PDE9A: variants seen among roughly 807,000 people sequenced by gnomAD.
PDE9A encodes the protein phosphodiesterase 9A, also known as high affinity cGMP-specific 3',5'-cyclic phosphodiesterase 9A.
Under a neutral mutation model 87.4 loss-of-function variants are expected in PDE9A, and 60 were observed. That is an observed-to-expected ratio of 0.69 (90% CI 0.56 to 0.85). The LOEUF (loss-of-function observed/expected upper bound fraction) is 0.85, where lower values mean the gene tolerates loss of function less well. PDE9A is among the 40% of genes least tolerant of loss of function. The pLI is 0.00. For synonymous variants in PDE9A, 272 were observed against 279.4 expected, an observed-to-expected ratio of 0.97 and a Z score of 0.27; for missense variants, 665 against 779.0, an observed-to-expected ratio of 0.85 and a Z score of 1.74.
At chr21:42,775,086 T>C (rs140370797) in intron 19 of PDE9A, among the ~76,000 whole-genome samples, 194 bp from the exon 20 acceptor site, 2,180 of 151,582 alleles carry the variant, frequency 0.014, 65 homozygotes, top group African/African-American at 0.05. Context: ...GGATTACAGG[T>C]GTGTGCCACC....
rs538024122 is a variant in PDE9A at position 42,732,751 on chromosome 21, C to T, written c.498-605C>T. On this transcript the variant is annotated intron_variant, in intron 6 of 19. Coordinates refer to ENST00000291539, the MANE Select transcript of PDE9A (RefSeq NM_002606.3). Reference sequence around the variant, plus strand: ...CCAACATGGAGAAACCCCGTCTCTACGAAAAATACAAAATTAGCCGGGCGT... The same window carrying T: ...CCAACATGGAGAAACCCCGTCTCTATGAAAAATACAAAATTAGCCGGGCGT... Among the ~76,000 whole-genome samples the T allele has an allele frequency of 2.0e-5, 3 of 152,098 alleles. No individual in the cohort carries two copies. The South Asian group carries it at 6.2e-4, about 32-fold the overall frequency.
rs942495738 is a variant in PDE9A, at chr21:42,697,360, C to T, written c.219-1608C>T. On this transcript the variant is annotated intron_variant, in intron 3 of 19. Coordinates refer to ENST00000291539, the MANE Select transcript of PDE9A (RefSeq NM_002606.3). ...CACATGTATTGCCCCCAGTTAATCA[C>T]CATGAACAGCTTGGTGTGTATACCC... 13 of 1,081,990 alleles carry T rather than the reference C, an allele frequency of 1.2e-5. No individual in the cohort carries two copies. The African/African-American group carries it at 2.0e-4, about 17-fold the overall frequency. The allele number at this position is 1,081,990 out of a possible 1,614,324, so 67.0% of individuals were successfully genotyped here. A position where few individuals can be genotyped will look rare whatever the true frequency, so the allele number is the denominator to read the frequency against.
chr21:42,691,823 C>G (rs963595724), intron 3 of PDE9A, among the ~76,000 whole-genome samples: 6 of 151,876 alleles, frequency 4.0e-5, no homozygotes, highest in Non-Finnish European at 5.9e-5. Context: ...TTGAGGTCAC[C>G]CAGACCCATC....
intron 4 of PDE9A, among the ~76,000 whole-genome samples, chr21:42,730,179 C>T (rs2051569547): frequency 6.6e-6 from 1 of 152,224 alleles, no homozygotes; most frequent in South Asian, 2.1e-4. Context: ...GAGCCATCTT[C>T]CCCCACTAGT....
intron 1 of PDE9A, among the ~76,000 whole-genome samples, chr21:42,657,045 C>A (rs570683124): frequency 6.6e-6 from 1 of 152,222 alleles, no homozygotes; most frequent in Non-Finnish European, 1.5e-5. Context: ...CAGCAGCAGA[C>A]GTTGCAGGCT....
chr21:42,735,114 T>A (rs913410817), intron 7 of PDE9A, among the ~76,000 whole-genome samples: 3 of 152,222 alleles, frequency 2.0e-5, no homozygotes, highest in South Asian at 4.1e-4. Flanking sequence ...GGAACAGGGC[T>A]CAGAGGTTGT....
chr21:42,750,906 G>A (rs2146980012), intron 8 of PDE9A, among the ~76,000 whole-genome samples: 1 of 152,012 alleles, frequency 6.6e-6, no homozygotes, highest in East Asian at 1.9e-4. Flanking sequence ...CTTTCTGTGT[G>A]TTTTCCAAGA....
At chr21:42,753,043 G>A (rs575965571) in intron 9 of PDE9A, among the ~76,000 whole-genome samples, 2 of 152,054 alleles carry the variant, frequency 1.3e-5, no homozygotes, top group East Asian at 1.9e-4. Context: ...GTCTCACTCT[G>A]TCGCCCAGGC....
intron 1 of PDE9A, among the ~76,000 whole-genome samples, chr21:42,679,271 C>T (rs904930607): frequency 1.3e-5 from 2 of 152,178 alleles, no homozygotes; most frequent in Non-Finnish European, 2.9e-5. Context: ...CCATTCACTG[C>T]ATGCATCCTC....
chr21:42,752,571 G>A (rs1342093362), intron 9 of PDE9A, among the ~76,000 whole-genome samples: 1 of 152,178 alleles, frequency 6.6e-6, no homozygotes, highest in African/African-American at 2.4e-5. Context: ...AGCCTCATCT[G>A]AGATTTTTGA....
At position 42,719,467 on chromosome 21, in the gene PDE9A, T is replaced by C. The variant is rs571149663; in HGVS notation, c.263-12303T>C. On this transcript the variant is annotated intron_variant, in intron 4 of 19. Transcript: ENST00000291539. The stretch of plus-strand genomic sequence containing the variant: ...CTGGCCAACATGGTGAAATCCTGTC[T>C]CTTCTAAAAAAAATTTTGAAAAAAT... Among the ~76,000 whole-genome samples, 220 of 151,310 alleles carry C rather than the reference T, an allele frequency of 1.5e-3. 3 individuals are homozygous for C. Among genetic ancestry groups the C allele is most frequent in the Non-Finnish European group, 1.8e-3 (122 of 67,720 alleles).
chr21:42,706,343 A>G (rs1029465905), intron 4 of PDE9A, among the ~76,000 whole-genome samples: 6 of 152,220 alleles, frequency 3.9e-5, no homozygotes, highest in African/African-American at 1.4e-4. Context: ...AAAGCCCACC[A>G]TTTTAAAGTG....
chr21:42,690,548 C>T (rs907369710), intron 3 of PDE9A, among the ~76,000 whole-genome samples: 27 of 151,924 alleles, frequency 1.8e-4, no homozygotes, highest in African/African-American at 4.4e-4. Context: ...TGGCTGGGGG[C>T]GGCACGTGCT....
intron 4 of PDE9A, among the ~76,000 whole-genome samples, chr21:42,709,861 G>C (rs1046205815): frequency 6.6e-6 from 1 of 152,116 alleles, no homozygotes; most frequent in Admixed American, 6.5e-5. Flanking sequence ...AAAGCAATCC[G>C]CATCATGATG....
chr21:42,729,069 A>C (rs961051015), intron 4 of PDE9A, among the ~76,000 whole-genome samples: 1 of 151,910 alleles, frequency 6.6e-6, no homozygotes, highest in Non-Finnish European at 1.5e-5. Flanking sequence ...TGTTAGAATC[A>C]TGTTGACTTT....
chr21:42,744,696 CACGA>C (rs2053660431), intron 8 of PDE9A, among the ~76,000 whole-genome samples: 1 of 152,198 alleles, frequency 6.6e-6, no homozygotes, highest in African/African-American at 2.4e-5. Context: ...CCCCAGTCTC[CACGA>C]TGCCACCTCC....
At chr21:42,709,833 G>A (rs2049153567) in intron 4 of PDE9A, among the ~76,000 whole-genome samples, 1 of 152,144 alleles carries the variant, frequency 6.6e-6, no homozygotes, top group Non-Finnish European at 1.5e-5. Flanking sequence ...GCCCACGCTG[G>A]TGTCGAACTC....
intron 10 of PDE9A, chr21:42,758,593 C>G (rs80165502): frequency 0.012 from 2,252 of 194,774 alleles, 29 homozygotes; most frequent in Middle Eastern, 0.038. Flanking sequence ...GACCCCTCAG[C>G]TGTGATATTG....
intron 2 of PDE9A, among the ~76,000 whole-genome samples, 194 bp downstream of exon 2, chr21:42,686,456 G>GT (rs888917538): frequency 4.6e-5 from 7 of 152,350 alleles, no homozygotes; most frequent in African/African-American, 1.4e-4. Context: ...GCCTCCACAG[G>GT]TGATGGCTGT....
Sources: gnomAD v4.1 joint callset for allele counts (sites outside exome capture counted in the v4.1 genomes callset) on GRCh38, gnomAD v4.1.1 for gene constraint, MANE v1.5 for transcripts, NCBI Gene and HGNC (gene_info 2026-07-23, HGNC 2026-07-21) for gene names.